The following LRGUK variants were observed in gnomAD, a reference collection of about 807,000 sequenced individuals.
LRGUK encodes leucine rich repeats and guanylate kinase domain containing.
A neutral mutation model predicts 76.0 loss-of-function variants in LRGUK; 65 were observed. That is an observed-to-expected ratio of 0.85 (90% CI 0.70 to 1.05). The LOEUF is 1.05. LRGUK is among the 50% of genes least tolerant of loss of function. LRGUK has a pLI of 0.00. For synonymous variants in LRGUK, 268 were observed against 265.6 expected, an observed-to-expected ratio of 1.01 and a Z score of -0.09; for missense variants, 758 against 732.8, an observed-to-expected ratio of 1.03 and a Z score of -0.40.
At chr7:134,270,600 G>C in the LRGUK span, among the ~76,000 whole-genome samples, 1 of 151,884 alleles carries the variant, frequency 6.6e-6, no homozygotes, top group African/African-American at 2.4e-5. Context: ...AATATATACT[G>C]TTGTTCTCCA....
chr7:134,234,088 C>T (rs529444547), intron 16 of LRGUK, among the ~76,000 whole-genome samples: 1 of 152,194 alleles, frequency 6.6e-6, no homozygotes, highest in African/African-American at 2.4e-5. Context: ...TATTGGACAC[C>T]CCTGCTCTAA....
intron 7 of LRGUK, among the ~76,000 whole-genome samples, chr7:134,166,777 CT>C (rs1418585289): frequency 4.6e-5 from 7 of 152,192 alleles, no homozygotes; most frequent in Non-Finnish European, 1.5e-5. Flanking sequence ...AAGGAACATT[CT>C]TTGCCGAAGA....
intron 15 of LRGUK, among the ~76,000 whole-genome samples, chr7:134,217,380 T>G (rs1171209528): frequency 6.6e-6 from 1 of 152,196 alleles, no homozygotes; most frequent in Non-Finnish European, 1.5e-5. Flanking sequence ...TTTAAATAAC[T>G]AATTATTCCT....
exon 16 of LRGUK, chr7:134,209,274 G>T (rs1801140979): frequency 2.5e-6 from 1 of 399,170 alleles, no homozygotes; most frequent in African/African-American, 2.1e-5. Flanking sequence ...AGCCCTCAGA[G>T]AATTCAGGAT....
At chr7:134,201,025 G>A (rs1441861275) in intron 14 of LRGUK, among the ~76,000 whole-genome samples, 3 of 152,092 alleles carry the variant, frequency 2.0e-5, no homozygotes, top group African/African-American at 7.2e-5. Context: ...TTGCTCTCAG[G>A]TGTCATCCAC....
intron 16 of LRGUK, among the ~76,000 whole-genome samples, chr7:134,232,124 G>A (rs1465803224): frequency 6.6e-6 from 1 of 152,128 alleles, no homozygotes; most frequent in Non-Finnish European, 1.5e-5. Flanking sequence ...TAATATTCTA[G>A]TAGTGAGATC....
At chr7:134,197,426 T>C (rs1486175148) in intron 13 of LRGUK, among the ~76,000 whole-genome samples, 2 of 152,208 alleles carry the variant, frequency 1.3e-5, no homozygotes, top group African/African-American at 2.4e-5. Flanking sequence ...AAACTGCCAC[T>C]CGAGCTTTAT....
rs1276710109 is a variant in LRGUK at position 134,221,749 on chromosome 7, A to C, written c.1844-30A>C. The C allele has an allele frequency of 2.7e-6, 4 of 1,455,282 alleles. No homozygotes were observed. The South Asian group carries it at 6.3e-5, about 23-fold the overall frequency. The allele number at this position is 1,455,282 out of a possible 1,614,324, so 90.1% of individuals were successfully genotyped here. A position where few individuals can be genotyped will look rare whatever the true frequency, so the allele number is the denominator to read the frequency against. On this transcript the variant is annotated intron_variant, in intron 15 of 19. Coordinates refer to the LRGUK transcript ENST00000285928. ...TTCAGAAATTTCCTTTATGACTTTT[A>C]TTTTAAACTTTATTTTTTTTTCCTA...
At chr7:134,247,087 G>T (rs1802321756) in intron 16 of LRGUK, among the ~76,000 whole-genome samples, 1 of 152,140 alleles carries the variant, frequency 6.6e-6, no homozygotes, top group African/African-American at 2.4e-5. Context: ...GAATGATAGT[G>T]ATATTTGTGA....
At chr7:134,238,298 G>A (rs1046253606) in intron 16 of LRGUK, among the ~76,000 whole-genome samples, 4 of 151,878 alleles carry the variant, frequency 2.6e-5, no homozygotes, top group African/African-American at 9.7e-5. Flanking sequence ...CTTTATACTG[G>A]AATTGTAGTT....
intron 5 of LRGUK, among the ~76,000 whole-genome samples, chr7:134,156,680 A>C (rs1798473651): frequency 6.6e-6 from 1 of 152,220 alleles, no homozygotes; most frequent in South Asian, 2.1e-4. Flanking sequence ...TGGCAGAGTG[A>C]GGAATCTGGA....
intron 19 of LRGUK, among the ~76,000 whole-genome samples, chr7:134,259,060 T>A (rs995258146): frequency 6.6e-6 from 1 of 152,172 alleles, no homozygotes; most frequent in Non-Finnish European, 1.5e-5. Context: ...AAGGAAAGCA[T>A]GGAGGCTTTG....
At chr7:134,221,013 T>C (rs1247476539) in intron 15 of LRGUK, among the ~76,000 whole-genome samples, 1 of 152,176 alleles carries the variant, frequency 6.6e-6, no homozygotes, top group East Asian at 1.9e-4. Flanking sequence ...ACACTTGTAG[T>C]GCCTAGAAAA....
chr7:134,225,504 T>G (rs1801720672), intron 16 of LRGUK, among the ~76,000 whole-genome samples: 1 of 152,200 alleles, frequency 6.6e-6, no homozygotes, highest in East Asian at 1.9e-4. Context: ...GCCCTGAGGT[T>G]CTGGTGCCTT....
intron 16 of LRGUK, among the ~76,000 whole-genome samples, chr7:134,223,466 A>G (rs1801654427): frequency 6.6e-6 from 1 of 152,226 alleles, no homozygotes; most frequent in Non-Finnish European, 1.5e-5. Context: ...ATCTATAAAT[A>G]AGATGAATTT....
the LRGUK span, among the ~76,000 whole-genome samples, chr7:134,274,216 A>G: frequency 1.3e-5 from 2 of 152,246 alleles, no homozygotes; most frequent in Non-Finnish European, 2.9e-5. Flanking sequence ...ACATGTGACT[A>G]GTGACTACCA....
chr7:134,172,088 A>G (rs1181118819), intron 7 of LRGUK, among the ~76,000 whole-genome samples: 3 of 152,152 alleles, frequency 2.0e-5, no homozygotes, highest in Non-Finnish European at 2.9e-5. Context: ...ATAATTTTGT[A>G]TGTTCCATGA....
At chr7:134,138,616 G>A (rs931479671) in intron 2 of LRGUK, among the ~76,000 whole-genome samples, 13 of 151,896 alleles carry the variant, frequency 8.6e-5, no homozygotes, top group African/African-American at 2.4e-4. Context: ...CTGTTCTAGC[G>A]GCCTTCATTA....
chr7:134,162,826 C>CAAAAAAAAAAAAAA (rs11445116), intron 6 of LRGUK, among the ~76,000 whole-genome samples: 2 of 61,182 alleles, frequency 3.3e-5, no homozygotes, highest in Non-Finnish European at 5.9e-5. Context: ...GACTCCTTCT[C>CAAAAAAAAAAAAAA]AAAAAAAAAA....
Sources: allele counts gnomAD v4.1 joint callset (sites outside exome capture counted in the v4.1 genomes callset), GRCh38; gene constraint gnomAD v4.1.1; transcripts MANE v1.5; gene names NCBI Gene and HGNC (gene_info 2026-07-23, HGNC 2026-07-21).